TMTC1: variants seen among roughly 807,000 people sequenced by gnomAD.
The protein encoded by TMTC1 is transmembrane O-mannosyltransferase targeting cadherins 1.
TMTC1 carries 73 observed loss-of-function variants against 104.8 expected under a neutral mutation model. The observed-to-expected ratio is 0.70, with a 90% CI of 0.58 to 0.85. The LOEUF is 0.85. TMTC1 is among the 40% of genes least tolerant of loss of function. The probability of loss-of-function intolerance (pLI) is 0.00; values close to 1 mark genes in which losing one functional copy is unlikely to be tolerated. For missense variants in TMTC1, 1,035 were observed against 1,096.1 expected (o/e 0.94, Z 0.79); for synonymous variants, 434 against 428.7 (o/e 1.01, Z -0.15).
Position 29,768,085 on chromosome 12 carries a change from A to G in TMTC1, c.303-10T>C, listed in dbSNP as rs761004253. The G allele has an allele frequency of 1.3e-6, 2 of 1,531,464 alleles. No individual in the cohort carries two copies. Among genetic ancestry groups the G allele is most frequent in the Non-Finnish European group, 8.8e-7 (1 of 1,136,848 alleles). The allele number at this position is 1,531,464 out of a possible 1,614,324, so 94.9% of individuals were successfully genotyped here. A position where few individuals can be genotyped will look rare whatever the true frequency, so the allele number is the denominator to read the frequency against. On this transcript the variant is annotated splice_polypyrimidine_tract_variant and intron_variant, in intron 1 of 17. Transcript: ENST00000539277. ...CAAAAATATGTTTAGCCTGTAAAAC[A>G]AAAGAAAAAAGAAAAAAACTGCATT...
At chr12:29,517,207 C>T (rs1944012594) in intron 14 of TMTC1, among the ~76,000 whole-genome samples, 1 of 152,150 alleles carries the variant, frequency 6.6e-6, no homozygotes, top group Non-Finnish European at 1.5e-5. Context: ...TTTTACTATT[C>T]TTGCAACACT....
chr12:29,699,123 T>C (rs1460782650), intron 5 of TMTC1, among the ~76,000 whole-genome samples: 37 of 152,030 alleles, frequency 2.4e-4, no homozygotes. Flanking sequence ...AAGGCAGAAG[T>C]GGGAGGAGAG....
chr12:29,550,107 T>C (rs1324829307), intron 10 of TMTC1, among the ~76,000 whole-genome samples: 1 of 151,502 alleles, frequency 6.6e-6, no homozygotes, highest in East Asian at 1.9e-4. Flanking sequence ...AGAAAGCTGA[T>C]AAGAAAAAAT....
At chr12:29,605,771 T>G (rs906673666) in intron 6 of TMTC1, among the ~76,000 whole-genome samples, 18 of 152,172 alleles carry the variant, frequency 1.2e-4, no homozygotes, top group East Asian at 7.7e-4. Flanking sequence ...GGGTATATTG[T>G]GTGATGCTGA....
chr12:29,699,337 T>G (rs1262470741), intron 5 of TMTC1, among the ~76,000 whole-genome samples: 3 of 152,092 alleles, frequency 2.0e-5, no homozygotes, highest in African/African-American at 2.4e-5. Flanking sequence ...AAATAATCTA[T>G]AACATAAAAA....
chr12:29,762,012 C>G (rs1468979955), intron 2 of TMTC1, among the ~76,000 whole-genome samples: 4 of 151,984 alleles, frequency 2.6e-5, no homozygotes, highest in Non-Finnish European at 5.9e-5. Context: ...AAGGAGAAAC[C>G]CTGTCTCTAC....
intron 5 of TMTC1, among the ~76,000 whole-genome samples, chr12:29,734,846 T>G (rs774551145): frequency 5.1e-4 from 78 of 152,338 alleles, no homozygotes; most frequent in Admixed American, 1.5e-3. Context: ...TATTGCCACT[T>G]TTAACTGATT....
intron 5 of TMTC1, among the ~76,000 whole-genome samples, chr12:29,719,690 C>T (rs302385): frequency 0.77 from 117,472 of 152,130 alleles, 45,459 homozygotes; most frequent in Middle Eastern, 0.82. Flanking sequence ...TGCAAGGCCA[C>T]GGACTTTTTA....
chr12:29,756,718 C>T (rs943564292), intron 3 of TMTC1, among the ~76,000 whole-genome samples: 1 of 152,214 alleles, frequency 6.6e-6, no homozygotes, highest in Non-Finnish European at 1.5e-5. Context: ...ACAGGTACCA[C>T]ACCTATTGGC....
In TMTC1 at chr12:29,597,208, C is replaced by A. The variant is rs1437631786; in HGVS notation, c.1250+6970G>T. ...TCCATGTGAACTTTTTTTTTCTTTT[C>A]TTTTCTTTTTCTTTTTCTTTCTTTC... On this transcript the variant is annotated intron_variant, in intron 7 of 17. Coordinates refer to ENST00000539277, the MANE Select transcript of TMTC1 (RefSeq NM_001193451.2). Among the ~76,000 whole-genome samples the A allele has an allele frequency of 2.7e-5, 4 of 147,350 alleles. No homozygotes were observed. In the East Asian group the frequency reaches 6.0e-4, roughly 22 times the overall value.
intron 7 of TMTC1, among the ~76,000 whole-genome samples, chr12:29,601,061 G>A (rs747339030): frequency 6.6e-6 from 1 of 152,176 alleles, no homozygotes; most frequent in Non-Finnish European, 1.5e-5. Context: ...TAATATTGAT[G>A]CTTTCTTTTC....
chr12:29,751,595 G>T, intron 5 of TMTC1, 71 bp downstream of exon 5: 1 of 1,524,178 alleles, frequency 6.6e-7, no homozygotes, highest in Non-Finnish European at 9.1e-7. Flanking sequence ...CACTTCCCCA[G>T]GCATCCCAGG....
At chr12:29,664,009 A>G (rs1045574808) in intron 5 of TMTC1, among the ~76,000 whole-genome samples, 2 of 151,302 alleles carry the variant, frequency 1.3e-5, no homozygotes, top group Non-Finnish European at 2.9e-5. Flanking sequence ...AAAACGGTGA[A>G]ACCCCGTCTC....
intron 5 of TMTC1, among the ~76,000 whole-genome samples, chr12:29,736,982 G>A (rs1942693670): frequency 6.6e-6 from 1 of 152,232 alleles, no homozygotes; most frequent in Non-Finnish European, 1.5e-5. Flanking sequence ...ATAATCAGGA[G>A]CCCAGGATTG....
chr12:29,721,928 A>C (rs949347300), intron 5 of TMTC1, among the ~76,000 whole-genome samples: 1 of 152,098 alleles, frequency 6.6e-6, no homozygotes, highest in African/African-American at 2.4e-5. Context: ...AACAAAAAAA[A>C]ATCAGTGATA....
chr12:29,776,492 C>T (rs1330297749), intron 1 of TMTC1, among the ~76,000 whole-genome samples: 2 of 152,140 alleles, frequency 1.3e-5, no homozygotes, highest in African/African-American at 4.8e-5. Flanking sequence ...AATCATGTAG[C>T]CTTACCTTAG....
At chr12:29,562,203 C>T (rs982296565) in intron 9 of TMTC1, among the ~76,000 whole-genome samples, 10 of 152,192 alleles carry the variant, frequency 6.6e-5, no homozygotes, top group Admixed American at 5.9e-4. Flanking sequence ...AGTTTTACCA[C>T]TTTCATCTTG....
intron 5 of TMTC1, chr12:29,660,933 A>G: frequency 1.7e-6 from 2 of 1,168,978 alleles, no homozygotes; most frequent in African/African-American, 1.6e-5. Flanking sequence ...TCTACCAGAC[A>G]CAATGTTCTC....
chr12:29,780,949 A>G (rs2120678444), intron 1 of TMTC1, among the ~76,000 whole-genome samples: 2 of 152,340 alleles, frequency 1.3e-5, no homozygotes, highest in South Asian at 4.1e-4. Context: ...GGCCCCTTCA[A>G]TTGTGTTTTC....
Sources: gnomAD v4.1 joint callset for allele counts (sites outside exome capture counted in the v4.1 genomes callset) on GRCh38, gnomAD v4.1.1 for gene constraint, MANE v1.5 for transcripts, NCBI Gene and HGNC (gene_info 2026-07-23, HGNC 2026-07-21) for gene names.